Variants in TMEM260 observed in about 807,000 individuals in gnomAD.
The protein encoded by TMEM260 is protein O-mannosyl-transferase TMEM260.
Under a neutral mutation model 88.9 loss-of-function variants are expected in TMEM260, and 82 were observed. The observed-to-expected ratio is 0.92, with a 90% CI of 0.77 to 1.11. The LOEUF is 1.11. Among genes scored for constraint, TMEM260 ranks in the 50% least tolerant of loss-of-function variants. The pLI, the probability that TMEM260 is intolerant of heterozygous loss-of-function variation, is 0.00. For missense variants in TMEM260, 902 were observed against 853.4 expected (o/e 1.06, Z -0.71); for synonymous variants, 314 against 309.3 (o/e 1.02, Z -0.16).
downstream of TMEM260, among the ~76,000 whole-genome samples, chr14:56,654,836 AAAAAAAT>A (rs202094627): frequency 0.056 from 8,103 of 144,730 alleles, 457 homozygotes; most frequent in East Asian, 0.13. Context: ...AAAAAAAAAA[AAAAAAAT>A]GTTAAATGTC....
At chr14:56,653,211 TA>T (rs1276769386), downstream of TMEM260, among the ~76,000 whole-genome samples, 7 of 150,958 alleles carry the variant, frequency 4.6e-5, no homozygotes, top group Non-Finnish European at 8.9e-5. Context: ...TCAAAAAAAA[TA>T]AAAAATAAAA....
chr14:56,645,766 C>T (rs2139659570), intron 15 of TMEM260, among the ~76,000 whole-genome samples: 1 of 152,192 alleles, frequency 6.6e-6, no homozygotes, highest in East Asian at 1.9e-4. Flanking sequence ...TGTGAGGCAA[C>T]ATGCTACAGC....
At chr14:56,598,225 AGAG>A (rs976866343) in intron 3 of TMEM260, among the ~76,000 whole-genome samples, 3 of 152,166 alleles carry the variant, frequency 2.0e-5, no homozygotes, top group Admixed American at 6.5e-5. Context: ...TAATGGAAAA[AGAG>A]GAGACATTCA....
chr14:56,607,070 A>G (rs1394180486), intron 5 of TMEM260, among the ~76,000 whole-genome samples: 3 of 152,192 alleles, frequency 2.0e-5, no homozygotes, highest in Admixed American at 2.0e-4. Context: ...TGTATATAGC[A>G]AGTTCTTTAT....
At chr14:56,588,507 G>C (rs1046553961) in intron 3 of TMEM260, among the ~76,000 whole-genome samples, 1 of 151,814 alleles carries the variant, frequency 6.6e-6, no homozygotes. Context: ...TGCTTTTCTT[G>C]CATCTTTCTC....
intron 15 of TMEM260, 62 bp downstream of exon 15, chr14:56,636,660 CAGAATGGAT>C: frequency 1.4e-6 from 2 of 1,397,036 alleles, no homozygotes; most frequent in South Asian, 1.2e-5. Context: ...GGTGATTGTT[CAGAATGGAT>C]AGAGGGTATA....
chr14:56,640,487 C>G (rs913024313), intron 15 of TMEM260, among the ~76,000 whole-genome samples: 1 of 152,146 alleles, frequency 6.6e-6, no homozygotes, highest in African/African-American at 2.4e-5. Context: ...ACACCAAAAA[C>G]CCATCTGTAC....
chr14:56,658,023 G>T, the TMEM260 span, among the ~76,000 whole-genome samples: 3 of 152,140 alleles, frequency 2.0e-5, no homozygotes, highest in Admixed American at 6.5e-5. Context: ...GAGAAAGGAG[G>T]CGAGAGGTAA....
chr14:56,618,054 C>G (rs1027849618), intron 9 of TMEM260, among the ~76,000 whole-genome samples: 1 of 152,130 alleles, frequency 6.6e-6, no homozygotes, highest in African/African-American at 2.4e-5. Flanking sequence ...TTCCCTGTCT[C>G]CCCCACCCCA....
chr14:56,620,182 A>G (rs749010465), intron 10 of TMEM260, among the ~76,000 whole-genome samples: 1 of 152,164 alleles, frequency 6.6e-6, no homozygotes, highest in South Asian at 2.1e-4. Context: ...AAAAATAACT[A>G]TTGTGTGCCA....
In TMEM260 at chr14:56,647,805, T is replaced by C. The variant is rs1890060246; in HGVS notation, c.*308T>C. 1 of 294,632 alleles carries C rather than the reference T, an allele frequency of 3.4e-6. No individual in the cohort carries two copies. Among genetic ancestry groups the C allele is most frequent in the South Asian group, 4.8e-5 (1 of 20,828 alleles). The allele number at this position is 294,632 out of a possible 1,614,324, so 18.3% of individuals were successfully genotyped here. ...TTAGATTCTAGAAGAGAATGAACCATTTTCATATAACTAAATATTGGTCAT... is the reference window on the plus strand; with the variant it reads ...TTAGATTCTAGAAGAGAATGAACCACTTTCATATAACTAAATATTGGTCAT... On this transcript the variant is annotated 3_prime_UTR_variant, in exon 16 of 16. Coordinates refer to ENST00000261556, the MANE Select transcript of TMEM260 (RefSeq NM_017799.4).
chr14:56,587,489 ATTAT>A, intron 3 of TMEM260, among the ~76,000 whole-genome samples: 1 of 152,112 alleles, frequency 6.6e-6, no homozygotes, highest in African/African-American at 2.4e-5. Context: ...GCTTTTATTA[ATTAT>A]TATGATTAAT....
intron 6 of TMEM260, among the ~76,000 whole-genome samples, chr14:56,609,567 G>A (rs1887123512): frequency 6.6e-6 from 1 of 152,068 alleles, no homozygotes; most frequent in South Asian, 2.1e-4. Context: ...TTTCAGTCTT[G>A]TTAGCAGTGA....
rs191791531 is a variant in TMEM260, at chr14:56,612,042, A to G, written c.817-203A>G. 5.4e-3 allele frequency among the ~76,000 whole-genome samples: 824 copies of G among 152,272 alleles called. 2 individuals carry two copies. The highest frequency in any genetic ancestry group is 0.017 in the Middle Eastern group (5 of 294). ...CTACCTATTGGGTACTATGCTTATT[A>G]CCTGGGTGATGAAATAGTCTGTACA... On this transcript the variant is annotated intron_variant, in intron 6 of 15. Transcript: ENST00000261556.
intron 15 of TMEM260, among the ~76,000 whole-genome samples, chr14:56,637,804 C>T (rs751612219): frequency 5.3e-5 from 8 of 152,172 alleles, no homozygotes; most frequent in East Asian, 3.9e-4. Flanking sequence ...AAGCATTTCT[C>T]GAGCACCCAC....
At chr14:56,627,519 T>C (rs894947969) in intron 12 of TMEM260, among the ~76,000 whole-genome samples, 2 of 152,212 alleles carry the variant, frequency 1.3e-5, no homozygotes, top group African/African-American at 4.8e-5. Context: ...AATAAAATTA[T>C]ACCTACAACA....
chr14:56,596,183 A>G (rs1035206623), intron 3 of TMEM260, among the ~76,000 whole-genome samples: 4 of 152,042 alleles, frequency 2.6e-5, no homozygotes, highest in African/African-American at 4.8e-5. Flanking sequence ...TTCTTTCCAA[A>G]TAATGGTGTA....
At chr14:56,638,602 C>T (rs1363917020) in intron 15 of TMEM260, among the ~76,000 whole-genome samples, 1 of 151,960 alleles carries the variant, frequency 6.6e-6, no homozygotes, top group Non-Finnish European at 1.5e-5. Context: ...CTCCTTTGCA[C>T]ATAGTCTCCA....
intron 5 of TMEM260, among the ~76,000 whole-genome samples, chr14:56,606,370 C>T (rs1886902783): frequency 6.7e-6 from 1 of 150,138 alleles, no homozygotes; most frequent in Non-Finnish European, 1.5e-5. Context: ...TGTACAAACT[C>T]AGCTTTACTT....
Sources: gnomAD v4.1 joint callset for allele counts (sites outside exome capture counted in the v4.1 genomes callset) on GRCh38, gnomAD v4.1.1 for gene constraint, MANE v1.5 for transcripts, NCBI Gene and HGNC (gene_info 2026-07-23, HGNC 2026-07-21) for gene names.